NALF2: variants seen among roughly 807,000 people sequenced by gnomAD.
The protein encoded by NALF2 is bB57D9.1 (TED protein).
A neutral mutation model predicts 24.8 loss-of-function variants in NALF2; 1 was observed. The observed-to-expected ratio is 0.04, with a 90% CI of 0.01 to 0.19. The LOEUF (loss-of-function observed/expected upper bound fraction) is 0.19. Among genes scored for constraint, NALF2 ranks in the 10% least tolerant of loss-of-function variants. NALF2 has a pLI of 1.00. For synonymous variants in NALF2, 254 were observed against 189.8 expected (o/e 1.34, Z -2.78); for missense variants, 458 against 409.6 (o/e 1.12, Z -1.02).
intron 1 of NALF2, among the ~76,000 whole-genome samples, chrX:69,523,836 C>T (rs1447160633): frequency 8.9e-6 from 1 of 111,913 alleles, no homozygotes; most frequent in Non-Finnish European, 1.9e-5. Context: ...CTCCTCAGCT[C>T]TCCTCCCCTC....
intron 1 of NALF2, among the ~76,000 whole-genome samples, chrX:69,506,441 A>G (rs1343378295): frequency 1.8e-5 from 2 of 112,952 alleles, no homozygotes; most frequent in Non-Finnish European, 3.8e-5. Flanking sequence ...TGGGCTGACA[A>G]TGAGGTGGCA....
Position 69,508,101 on chromosome X carries a change from T to G in NALF2, c.861+1958T>G, listed in dbSNP as rs906124508. 1.7e-4 allele frequency among the ~76,000 whole-genome samples: 19 copies of G among 112,149 alleles called. No individual in the cohort carries two copies. In the Middle Eastern group the frequency reaches 0.014, roughly 82 times the overall value. On this transcript the variant is annotated intron_variant, in intron 1 of 2. Coordinates refer to ENST00000252338, the MANE Select transcript of NALF2 (RefSeq NM_015686.3). ...CACTTCACTTCTGTAAGCTTTCATT[T>G]CCTCATTTGTAAAACAGGGATCATC...
intron 1 of NALF2, among the ~76,000 whole-genome samples, chrX:69,527,224 T>A (rs1930821039): frequency 9.0e-6 from 1 of 110,722 alleles, no homozygotes; most frequent in South Asian, 3.9e-4. Flanking sequence ...GGACAGTGGA[T>A]TGGGGATTAA....
At position 69,505,431 on chromosome X, in the gene NALF2, T is replaced by A; in HGVS notation, c.149T>A (p.Leu50Gln). The A allele has an allele frequency of 2.6e-6, 3 of 1,150,030 alleles. No homozygotes were observed. The East Asian group carries it at 1.0e-4, about 39-fold the overall frequency. 94.8% of individuals were successfully genotyped at this position (1,150,030 alleles called of 1,213,427 possible). ...AQRWRLSLAS[L>Q]LFFTVLLADH... The stretch of plus-strand genomic sequence containing the variant: ...CGATGGCGACTGTCCCTGGCGTCCC[T>A]GCTCTTCTTCACCGTGCTGCTCGCT... The change falls in exon 1 of 3, where the codon CTG becomes CAG. Residue 50 changes from leucine to glutamine, a missense_variant. Coordinates refer to ENST00000252338, the MANE Select transcript of NALF2 (RefSeq NM_015686.3).
At chrX:69,523,762 T>C (rs1031114961) in intron 1 of NALF2, among the ~76,000 whole-genome samples, 4 of 108,493 alleles carry the variant, frequency 3.7e-5, no homozygotes, top group Non-Finnish European at 7.7e-5. Flanking sequence ...CAGGGCATAA[T>C]TGGAAAGCCT....
intron 1 of NALF2, among the ~76,000 whole-genome samples, chrX:69,517,968 T>C (rs973949175): frequency 1.8e-5 from 2 of 112,499 alleles, no homozygotes; most frequent in African/African-American, 6.5e-5. Flanking sequence ...TAGCTGTATG[T>C]GGCAAACAAG....
chrX:69,526,670 C>A (rs1248484691), intron 1 of NALF2, among the ~76,000 whole-genome samples: 1 of 110,896 alleles, frequency 9.0e-6, no homozygotes, highest in Admixed American at 9.6e-5. Context: ...AGGGCAGCAT[C>A]CTTTGGTGAG....
rs764059847 is a variant in NALF2 at position 69,505,885 on chromosome X, C to A, written c.603C>A (p.Thr201=). 8.3e-7 allele frequency: 1 copy of A among 1,211,697 alleles called. No homozygotes were observed. Among genetic ancestry groups the A allele is most frequent in the South Asian group, 1.8e-5 (1 of 56,952 alleles). The change falls in exon 1 of 3, where the codon ACC becomes ACA. Residue 201 remains threonine, a synonymous_variant. Transcript: ENST00000252338. ...ACTTCACTCTCTCCTTTTGCGACAC[C>A]TACACGGTCTGGGACTTGCTGCTGG... ...FRNFTLSFCD[T]YTVWDLLLGM...
At chrX:69,516,606 G>A (rs1014532889) in intron 1 of NALF2, among the ~76,000 whole-genome samples, 2 of 112,140 alleles carry the variant, frequency 1.8e-5, no homozygotes, top group African/African-American at 6.5e-5. Flanking sequence ...CAGATGGTAG[G>A]ACCTGGGACA....
intron 1 of NALF2, among the ~76,000 whole-genome samples, chrX:69,526,694 A>T (rs1930812995): frequency 9.0e-6 from 1 of 110,880 alleles, no homozygotes. Context: ...GGTAAGGGAG[A>T]TCCTCTCTGA....
chrX:69,514,207 A>C (rs1254186498), intron 1 of NALF2, among the ~76,000 whole-genome samples: 2 of 109,157 alleles, frequency 1.8e-5, no homozygotes, highest in Non-Finnish European at 3.8e-5. Flanking sequence ...TAAAAAAAAA[A>C]AAAACTCCCC....
Position 69,519,658 on chromosome X carries a change from G to A in NALF2, c.862-9335G>A, listed in dbSNP as rs73224438. Among the ~76,000 whole-genome samples, 656 of 111,871 alleles carry A rather than the reference G, an allele frequency of 5.9e-3. 1 individual carries two copies. Among genetic ancestry groups the A allele is most frequent in the Non-Finnish European group, 9.6e-3 (513 of 53,200 alleles). On this transcript the variant is annotated intron_variant, in intron 1 of 2. Coordinates refer to ENST00000252338, the MANE Select transcript of NALF2 (RefSeq NM_015686.3). Reference sequence around the variant, plus strand: ...CTTTGTGTTGATAAATCCTATCCGGGGATTGTGTGTAGTTGCAAAGGACAT... The same window carrying A: ...CTTTGTGTTGATAAATCCTATCCGGAGATTGTGTGTAGTTGCAAAGGACAT...
intron 1 of NALF2, among the ~76,000 whole-genome samples, chrX:69,525,708 C>G (rs917903518): frequency 9.2e-6 from 1 of 109,084 alleles, no homozygotes; most frequent in Non-Finnish European, 1.9e-5. Flanking sequence ...TTCTTTCACC[C>G]TCACCCCACT....
chrX:69,524,573 G>T (rs1391620802), intron 1 of NALF2, among the ~76,000 whole-genome samples: 1 of 110,907 alleles, frequency 9.0e-6, no homozygotes, highest in African/African-American at 3.3e-5. Context: ...TCCTAAGCCG[G>T]GCCCTCCTGG....
intron 1 of NALF2, 66 bp downstream of exon 1, chrX:69,506,209 G>A: frequency 9.1e-7 from 1 of 1,097,597 alleles, no homozygotes; most frequent in Non-Finnish European, 1.2e-6. Context: ...AGTGGGACCG[G>A]GAGAAAAAAG....
intron 1 of NALF2, among the ~76,000 whole-genome samples, chrX:69,514,198 A>T (rs1199016314): frequency 4.2e-5 from 1 of 23,907 alleles, no homozygotes; most frequent in African/African-American, 7.5e-4. Flanking sequence ...TCAAAAAATT[A>T]AAAAAAAAAA....
chrX:69,524,778 C>A (rs1272777196), intron 1 of NALF2, among the ~76,000 whole-genome samples: 2 of 112,074 alleles, frequency 1.8e-5, no homozygotes, highest in African/African-American at 6.5e-5. Context: ...AGATCTTTCA[C>A]CTGAGAAGGA....
intron 1 of NALF2, among the ~76,000 whole-genome samples, chrX:69,518,223 T>G (rs1420402202): frequency 8.9e-6 from 1 of 112,149 alleles, no homozygotes; most frequent in Non-Finnish European, 1.9e-5. Flanking sequence ...GGCAGGGCAG[T>G]GCAGGGCCTG....
At chrX:69,524,530 T>C (rs1394966264) in intron 1 of NALF2, among the ~76,000 whole-genome samples, 1 of 111,549 alleles carries the variant, frequency 9.0e-6, no homozygotes, top group Non-Finnish European at 1.9e-5. Context: ...TCCCTTTCCC[T>C]GCATCCCTTG....
Sources: gnomAD v4.1 joint callset for allele counts (sites outside exome capture counted in the v4.1 genomes callset) on GRCh38, gnomAD v4.1.1 for gene constraint, MANE v1.5 for transcripts, NCBI Gene and HGNC (gene_info 2026-07-23, HGNC 2026-07-21) for gene names.